ELP2: variants seen among roughly 807,000 people sequenced by gnomAD.
ELP2 encodes the protein elongator acetyltransferase complex subunit 2, also known as elongator complex protein 2.
In ELP2, 90 loss-of-function variants were observed where a neutral mutation model predicts 119.2. The ratio of observed to expected loss-of-function variants is 0.75; its 90% CI spans 0.64 to 0.90. The LOEUF (loss-of-function observed/expected upper bound fraction) is 0.90. Ranked by LOEUF, ELP2 falls within the 40% of genes least tolerant of loss-of-function variation. The probability of loss-of-function intolerance (pLI) is 0.00; values close to 1 mark genes in which losing one functional copy is unlikely to be tolerated. For synonymous variants in ELP2, 339 were observed against 331.0 expected, an observed-to-expected ratio of 1.02 and a Z score of -0.26; for missense variants, 921 against 967.8, an observed-to-expected ratio of 0.95 and a Z score of 0.64.
chr18:36,175,373 T>C lies in ELP2; in HGVS notation c.*732T>C, dbSNP rs2091201089. On this transcript the variant is annotated 3_prime_UTR_variant, in exon 22 of 22. Coordinates refer to ENST00000358232, the MANE Select transcript of ELP2 (RefSeq NM_018255.4). ...ATAGCATACCACGCCAAGTGTGCTC[T>C]GTCTTGATCCCCTTCTTTCTAGCAT... is the stretch of plus-strand genomic sequence containing the variant. The C allele has an allele frequency of 6.6e-6, 1 of 152,268 alleles. No homozygotes were observed. Among genetic ancestry groups the C allele is most frequent in the Non-Finnish European group, 1.5e-5 (1 of 68,052 alleles). The allele number at this position is 152,268 out of a possible 1,614,324, so 9.4% of individuals were successfully genotyped here.
Position 36,160,141 on chromosome 18 carries a change from A to G in ELP2, c.1688+126A>G, listed in dbSNP as rs2090690880. ...CTACCTTTTTCCTCCTCTTCTATAT[A>G]TCTCTTAGTGGCTCTTCATAAGGAA... On this transcript the variant is annotated intron_variant, in intron 16 of 21. Coordinates refer to ENST00000358232, the MANE Select transcript of ELP2 (RefSeq NM_018255.4). 4 of 809,208 alleles carry G rather than the reference A, an allele frequency of 4.9e-6. No homozygotes were observed. In the Admixed American group the frequency reaches 7.8e-5, roughly 16 times the overall value. 50.1% of individuals were successfully genotyped at this position (809,208 alleles called of 1,614,324 possible). A position where few individuals can be genotyped will look rare whatever the true frequency, so the allele number is the denominator to read the frequency against.
chr18:36,156,352 A>G (rs1315922037), intron 12 of ELP2, 114 bp from the exon 13 acceptor site: 2 of 1,029,474 alleles, frequency 1.9e-6, no homozygotes, highest in Non-Finnish European at 3.0e-6. Context: ...TCATGGATGA[A>G]TATTTGCCCC....
rs770524620 is a variant in ELP2 at position 36,138,317 on chromosome 18, G to A, written c.336G>A (p.Ala112=). 15 of 1,614,018 alleles carry A rather than the reference G, an allele frequency of 9.3e-6. 1 individual carries two copies. In the East Asian group the frequency reaches 1.3e-4, roughly 14 times the overall value. Residue 112 remains alanine, a synonymous_variant, in exon 4 of 22, where the codon GCG becomes GCA. Transcript: ENST00000358232. Reference sequence around the variant, plus strand: ...AAGGCCATGAAGGACCTGTTTATGCGGTGCATGCTGTTTACCAGAGGAGGA... The same window carrying A: ...AAGGCCATGAAGGACCTGTTTATGCAGTGCATGCTGTTTACCAGAGGAGGA... ...HLQGHEGPVY[A]VHAVYQRRTS...
chr18:36,139,161 T>G (rs2089935199), intron 5 of ELP2, among the ~76,000 whole-genome samples: 2 of 152,224 alleles, frequency 1.3e-5, no homozygotes, highest in Admixed American at 1.3e-4. Flanking sequence ...AGGTCTAATT[T>G]GAGGAAAGAA....
At chr18:36,170,308 T>A in intron 20 of ELP2, 112 bp downstream of exon 20, 1 of 1,401,860 alleles carries the variant, frequency 7.1e-7, no homozygotes. Context: ...CTGTCTTTTT[T>A]TTCTTTTTTT....
chr18:36,166,599 T>C (rs642406), intron 18 of ELP2, among the ~76,000 whole-genome samples: 54,727 of 151,858 alleles, frequency 0.36, 9,962 homozygotes, highest in Middle Eastern at 0.43. Flanking sequence ...CCCAAAAGTG[T>C]GGGGATTACA....
chr18:36,137,803 C>CAAAAAAAAAAAAAAAAAAAAAAAA (rs57722627), intron 3 of ELP2, among the ~76,000 whole-genome samples: 2 of 103,698 alleles, frequency 1.9e-5, no homozygotes, highest in African/African-American at 3.5e-5. Flanking sequence ...ATATTATCAC[C>CAAAAAAAAAAAAAAAAAAAAAAAA]AAAAAAAAAA....
intron 18 of ELP2, 94 bp downstream of exon 18, chr18:36,164,761 G>A: frequency 1.6e-6 from 2 of 1,218,434 alleles, no homozygotes; most frequent in Non-Finnish European, 2.4e-6. Context: ...AGATAACAGA[G>A]TGAAGGGTAG....
chr18:36,143,453 C>T (rs553126230), intron 8 of ELP2, among the ~76,000 whole-genome samples: 142 of 144,012 alleles, frequency 9.9e-4, no homozygotes, highest in African/African-American at 3.5e-3. Context: ...AGACTTCTTA[C>T]CCAGGTTGGA....
intron 1 of ELP2, among the ~76,000 whole-genome samples, chr18:36,131,810 C>T (rs2089641547): frequency 1.3e-5 from 2 of 152,064 alleles, no homozygotes; most frequent in South Asian, 4.1e-4. Context: ...GATTTGTTTC[C>T]ATGTATTCCA....
chr18:36,143,239 C>T (rs1234843027), intron 8 of ELP2, among the ~76,000 whole-genome samples: 1 of 151,984 alleles, frequency 6.6e-6, no homozygotes, highest in Non-Finnish European at 1.5e-5. Flanking sequence ...CCTGCCTCAG[C>T]CTTCCAAGTA....
At chr18:36,144,597 G>A (rs1203068599) in intron 8 of ELP2, among the ~76,000 whole-genome samples, 1 of 152,204 alleles carries the variant, frequency 6.6e-6, no homozygotes, top group East Asian at 1.9e-4. Flanking sequence ...CTTATAATGA[G>A]TGAGGATAAT....
chr18:36,167,316 T>TA lies in ELP2; in HGVS notation c.2076+95dup, dbSNP rs1167498690. On this transcript the variant is annotated intron_variant, in intron 19 of 21. Coordinates refer to ENST00000358232, the MANE Select transcript of ELP2 (RefSeq NM_018255.4). Reference sequence around the variant, plus strand: ...AAAATGCATAATCCTGCCTTTCTGTTACAGCTTTTAAAAATCAGCTATGTA... The same window carrying TA: ...AAAATGCATAATCCTGCCTTTCTGTTAACAGCTTTTAAAAATCAGCTATGTA... 5 of 982,378 alleles carry TA rather than the reference T, an allele frequency of 5.1e-6. No homozygotes were observed. The African/African-American group carries it at 6.6e-5, about 13-fold the overall frequency. The allele number at this position is 982,378 out of a possible 1,614,324, so 60.9% of individuals were successfully genotyped here. A position where few individuals can be genotyped will look rare whatever the true frequency, so the allele number is the denominator to read the frequency against.
In ELP2 at chr18:36,180,346, A is replaced by G. The variant is rs559466960; in HGVS notation, c.*5705A>G. On this transcript the variant is annotated 3_prime_UTR_variant, in exon 22 of 22. Transcript: ENST00000358232. ...GGAGAAGCTGGGAAATTAAATCTTT[A>G]TTGCAGATGCCCATGTGCTCAGCAG... 49 of 152,346 alleles carry G rather than the reference A, an allele frequency of 3.2e-4. No homozygotes were observed. Among genetic ancestry groups the G allele is most frequent in the African/African-American group, 9.6e-4 (40 of 41,572 alleles). 9.4% of individuals were successfully genotyped at this position (152,346 alleles called of 1,614,324 possible). A position where few individuals can be genotyped will look rare whatever the true frequency, so the allele number is the denominator to read the frequency against.
intron 11 of ELP2, among the ~76,000 whole-genome samples, chr18:36,149,149 C>A (rs1052964714): frequency 6.6e-6 from 1 of 152,194 alleles, no homozygotes; most frequent in Non-Finnish European, 1.5e-5. Context: ...TTATTCATTT[C>A]TTTACTCTCA....
At chr18:36,145,803 AT>A in intron 9 of ELP2, 144 bp from the exon 10 acceptor site, 1 of 751,514 alleles carries the variant, frequency 1.3e-6, no homozygotes, top group South Asian at 1.4e-5. Flanking sequence ...AATGGTAGAC[AT>A]TTGTGGTGTT....
rs760827947 is a variant in ELP2, at chr18:36,170,154, T to G, written c.2168T>G (p.Val723Gly). ...CSSVLDVGGA[V>G]TAVSVCPVLH... ...TCAGTCCTGGACGTGGGTGGGGCTG[T>G]GACAGCTGTCAGCGTCTGCCCAGTG... The change falls in exon 20 of 22, where the codon GTG becomes GGG. Residue 723 changes from valine (V) to glycine (G), a missense_variant. Transcript: ENST00000358232. 6.2e-7 allele frequency: 1 copy of G among 1,614,162 alleles called. No homozygotes were observed. Among genetic ancestry groups the G allele is most frequent in the South Asian group, 1.1e-5 (1 of 91,082 alleles).
At chr18:36,166,868 T>C (rs2090924157) in intron 18 of ELP2, 1 of 299,500 alleles carries the variant, frequency 3.3e-6, no homozygotes, top group Non-Finnish European at 6.1e-6. Context: ...ATGTTTGTCA[T>C]CAGTCACTAG....
chr18:36,158,967 T>C (rs2090650237), intron 14 of ELP2, 63 bp downstream of exon 14: 1 of 1,104,304 alleles, frequency 9.1e-7, no homozygotes, highest in Non-Finnish European at 1.4e-6. Flanking sequence ...GTCATACACT[T>C]GTGTAATGTC....
Sources: allele counts gnomAD v4.1 joint callset (sites outside exome capture counted in the v4.1 genomes callset), GRCh38; gene constraint gnomAD v4.1.1; transcripts MANE v1.5; gene names NCBI Gene and HGNC (gene_info 2026-07-23, HGNC 2026-07-21).